Variants in LRRC56 observed in about 807,000 individuals in gnomAD.
The protein encoded by LRRC56 is leucine-rich repeat-containing protein 56.
Under a neutral mutation model 47.8 loss-of-function variants are expected in LRRC56, and 41 were observed. The ratio of observed to expected loss-of-function variants is 0.86; its 90% confidence interval spans 0.67 to 1.11. LRRC56 has a LOEUF of 1.11. Ranked by LOEUF, LRRC56 falls within the 50% of genes most tolerant of loss-of-function variation. The pLI, the probability that LRRC56 is intolerant of heterozygous loss-of-function variation, is 0.00. For missense variants in LRRC56, 759 were observed against 704.2 expected, an observed-to-expected ratio of 1.08 and a Z score of -0.88; for synonymous variants, 387 against 311.2, an observed-to-expected ratio of 1.24 and a Z score of -2.56.
At chr11:547,125 A>G (rs1852121744) in intron 6 of LRRC56, among the ~76,000 whole-genome samples, 1 of 151,752 alleles carries the variant, frequency 6.6e-6, no homozygotes, top group Non-Finnish European at 1.5e-5. Context: ...CCAGCTGCAC[A>G]GGAGGCTGAG....
chr11:540,638 A>G (rs1270347306), intron 3 of LRRC56, 36 bp from the exon 4 acceptor site: 10 of 1,579,170 alleles, frequency 6.3e-6, no homozygotes, highest in Non-Finnish European at 7.8e-6. Context: ...AGGAGGAGCA[A>G]CAGCGTGGAG....
At chr11:539,384 C>CTTTTT (rs35782858) in intron 2 of LRRC56, among the ~76,000 whole-genome samples, 196 bp from the exon 3 acceptor site, 31 of 92,430 alleles carry the variant, frequency 3.4e-4, no homozygotes, top group African/African-American at 5.7e-4. Context: ...CGCACCCAGC[C>CTTTTT]TTTTTTTTTT....
the LRRC56 span, chr11:506,531 G>A: frequency 2.6e-5 from 4 of 152,196 alleles, no homozygotes; most frequent in Non-Finnish European, 5.9e-5. Flanking sequence ...CCGGTCCCCC[G>A]GTGGTCCCGG....
the LRRC56 span, among the ~76,000 whole-genome samples, chr11:527,914 C>G: frequency 1.3e-5 from 2 of 152,082 alleles, no homozygotes; most frequent in Non-Finnish European, 2.9e-5. Context: ...GTCGGTCAGG[C>G]TAGTCCCGAA....
At chr11:545,098 G>A (rs1473057212) in intron 6 of LRRC56, among the ~76,000 whole-genome samples, 1 of 152,180 alleles carries the variant, frequency 6.6e-6, no homozygotes, top group Non-Finnish European at 1.5e-5. Flanking sequence ...CTCTGGCTCA[G>A]CCCAGATGTA....
intron 13 of LRRC56, among the ~76,000 whole-genome samples, chr11:553,586 G>C (rs533965627): frequency 6.6e-6 from 1 of 152,322 alleles, no homozygotes; most frequent in Non-Finnish European, 1.5e-5. Context: ...GTGGAGGCGG[G>C]TGCTGGGGGA....
At chr11:552,346 A>T (rs566366213) in intron 12 of LRRC56, 114 bp downstream of exon 12, 3 of 1,342,036 alleles carry the variant, frequency 2.2e-6, no homozygotes, top group South Asian at 1.4e-5. Context: ...CCATCCCTGC[A>T]TGTCCTGTCC....
chr11:548,906 A>G (rs1852222222), intron 6 of LRRC56, among the ~76,000 whole-genome samples: 4 of 152,238 alleles, frequency 2.6e-5, no homozygotes, highest in Admixed American at 2.6e-4. Context: ...GCTCACAGCC[A>G]GCAAACATCT....
chr11:521,146 C>T, the LRRC56 span, among the ~76,000 whole-genome samples: 29 of 152,324 alleles, frequency 1.9e-4, no homozygotes, highest in East Asian at 1.7e-3. Flanking sequence ...ACGCTCCCGC[C>T]CCAGGGCACA....
chr11:516,660 C>A, the LRRC56 span, among the ~76,000 whole-genome samples: 1 of 152,054 alleles, frequency 6.6e-6, no homozygotes, highest in Non-Finnish European at 1.5e-5. Context: ...AAAAGACGGC[C>A]GGACGTGGTG....
chr11:517,851 G>C, the LRRC56 span, among the ~76,000 whole-genome samples: 5 of 152,242 alleles, frequency 3.3e-5, no homozygotes, highest in South Asian at 2.1e-4. Flanking sequence ...TTGGGATGCT[G>C]TTAATCTATA....
At chr11:539,373 CCG>C (rs1851673969) in intron 2 of LRRC56, among the ~76,000 whole-genome samples, 1 of 145,128 alleles carries the variant, frequency 6.9e-6, no homozygotes, top group Admixed American at 7.0e-5. Flanking sequence ...GTGTGAGCCA[CCG>C]CACCCAGCCT....
chr11:525,340 C>A, the LRRC56 span, among the ~76,000 whole-genome samples: 3 of 151,954 alleles, frequency 2.0e-5, no homozygotes, highest in African/African-American at 4.8e-5. Flanking sequence ...GAGATCGAGA[C>A]CATCCTGGCT....
the LRRC56 span, among the ~76,000 whole-genome samples, chr11:508,298 T>C: frequency 3.3e-5 from 5 of 152,286 alleles, no homozygotes; most frequent in Admixed American, 3.3e-4. Context: ...CCCAAGTAGC[T>C]GGTACCACAG....
chr11:540,637 A>G (rs942726851), intron 3 of LRRC56, 37 bp from the exon 4 acceptor site: 1 of 1,576,510 alleles, frequency 6.3e-7, no homozygotes, highest in African/African-American at 1.4e-5. Context: ...GAGGAGGAGC[A>G]ACAGCGTGGA....
At chr11:510,750 T>C in the LRRC56 span, among the ~76,000 whole-genome samples, 1 of 140,818 alleles carries the variant, frequency 7.1e-6, no homozygotes, top group African/African-American at 2.7e-5. Context: ...AAAAAAAAAA[T>C]ACAAAAAAAT....
the LRRC56 span, among the ~76,000 whole-genome samples, chr11:522,442 T>C: frequency 1.3e-5 from 2 of 152,232 alleles, no homozygotes; most frequent in East Asian, 3.9e-4. Context: ...ATTTTTTGTA[T>C]TTTTTAGTTG....
chr11:523,275 C>T, the LRRC56 span, among the ~76,000 whole-genome samples: 2 of 10,594 alleles, frequency 1.9e-4, no homozygotes, highest in Non-Finnish European at 3.1e-4. Flanking sequence ...GTGATTCGCT[C>T]GCTTTGGTCT....
the LRRC56 span, chr11:507,376 C>G: frequency 6.7e-6 from 1 of 150,322 alleles, no homozygotes; most frequent in Non-Finnish European, 1.5e-5. Flanking sequence ...TAAGCACAGT[C>G]TTGGCGCAGC....
Sources: allele counts gnomAD v4.1 joint callset (sites outside exome capture counted in the v4.1 genomes callset), GRCh38; gene constraint gnomAD v4.1.1; transcripts MANE v1.5; gene names NCBI Gene and HGNC (gene_info 2026-07-23, HGNC 2026-07-21).